Variants in FCF1 observed in about 807,000 individuals in gnomAD.
FCF1 encodes FCF1 rRNA-processing protein.
FCF1 carries 17 observed loss-of-function variants against 32.5 expected under a neutral mutation model. That is an observed-to-expected ratio of 0.52 (90% CI 0.36 to 0.78). The LOEUF is 0.78. Ranked by LOEUF, FCF1 falls within the 30% of genes least tolerant of loss-of-function variation. The pLI is 0.00. For synonymous variants in FCF1, 84 were observed against 78.4 expected (o/e 1.07, Z -0.38); for missense variants, 201 against 241.1 (o/e 0.83, Z 1.10).
chr14:74,717,700 C>G lies in FCF1; in HGVS notation c.292+1601C>G, dbSNP rs1465804802. Among the ~76,000 whole-genome samples the G allele has an allele frequency of 3.9e-5, 6 of 152,184 alleles. 1 individual carries two copies. The highest frequency in any genetic ancestry group is 4.8e-5 in the African/African-American group (2 of 41,460). ...TCCCATGGTATTTCTAATTGAGCTGCTTCTCCAGGAATGCTGTGACCTACT... is the reference window on the plus strand; with the variant it reads ...TCCCATGGTATTTCTAATTGAGCTGGTTCTCCAGGAATGCTGTGACCTACT... On this transcript the variant is annotated intron_variant, in intron 4 of 7. Transcript: ENST00000341162.
At chr14:74,728,619 C>A (rs2090600237) in intron 5 of FCF1, among the ~76,000 whole-genome samples, 1 of 151,866 alleles carries the variant, frequency 6.6e-6, no homozygotes, top group African/African-American at 2.4e-5. Flanking sequence ...ATTGCCCTGG[C>A]CAGAACTTCC....
At chr14:74,720,879 GTTT>G (rs35099474) in intron 4 of FCF1, among the ~76,000 whole-genome samples, 6 of 126,776 alleles carry the variant, frequency 4.7e-5, no homozygotes, top group Admixed American at 8.1e-5. Context: ...TTTGGGGTTT[GTTT>G]TTTTTTTTTT....
At chr14:74,721,526 C>T (rs1177262763) in intron 4 of FCF1, among the ~76,000 whole-genome samples, 1 of 152,082 alleles carries the variant, frequency 6.6e-6, no homozygotes, top group Non-Finnish European at 1.5e-5. Flanking sequence ...CATGGTGAAA[C>T]CTTGTCTTTA....
chr14:74,715,293 A>G (rs1003468382), intron 3 of FCF1, among the ~76,000 whole-genome samples: 3 of 152,174 alleles, frequency 2.0e-5, no homozygotes, highest in Non-Finnish European at 2.9e-5. Flanking sequence ...GAATAAAGAT[A>G]TTTATATAAA....
In FCF1 at chr14:74,725,547, G is replaced by A. The variant is rs112467808; in HGVS notation, c.365+2203G>A. 2.1e-3 allele frequency among the ~76,000 whole-genome samples: 317 copies of A among 149,032 alleles called. 1 individual carries two copies. The highest frequency in any genetic ancestry group is 6.9e-3 in the African/African-American group (278 of 40,332). On this transcript the variant is annotated intron_variant, in intron 5 of 7. Coordinates refer to ENST00000341162, the MANE Select transcript of FCF1 (RefSeq NM_015962.5). Reference sequence around the variant, plus strand: ...GCTCACGTATAATTCCCAACACTTCGTGAGGCCAAGTGGGGAGGATCGCTG... The same window carrying A: ...GCTCACGTATAATTCCCAACACTTCATGAGGCCAAGTGGGGAGGATCGCTG...
In FCF1 at chr14:74,732,817, A is replaced by T. The variant is rs2090656338; in HGVS notation, c.452A>T (p.Gln151Leu). ...ADDCLVQRVT[Q>L]HKCYIVATVD... ...GACTGCTTAGTACAGAGAGTAACTC[A>T]GGTATTATCAGTTCATAACTGTTTA... The change falls in exon 6 of 8, where the codon CAG becomes CTG. Residue 151 changes from glutamine to leucine, a missense_variant and splice_region_variant. Gln to Leu is a moderately radical substitution (Grantham distance 113, BLOSUM62 -2). This residue lies in a region of FCF1 where 121 missense variants were observed against 147.8 expected (regional missense o/e 0.82). Transcript: ENST00000341162. The T allele has an allele frequency of 6.4e-7, 1 of 1,569,882 alleles. No individual in the cohort carries two copies. The highest frequency in any genetic ancestry group is 8.8e-7 in the Non-Finnish European group (1 of 1,142,292).
intron 5 of FCF1, among the ~76,000 whole-genome samples, chr14:74,731,002 A>G (rs184686282): frequency 1.3e-5 from 2 of 152,130 alleles, no homozygotes; most frequent in African/African-American, 4.8e-5. Context: ...CATCTCCAAA[A>G]AAAAAAAAAA....
chr14:74,720,035 G>A (rs528118110), intron 4 of FCF1, among the ~76,000 whole-genome samples: 12 of 152,156 alleles, frequency 7.9e-5, no homozygotes, highest in African/African-American at 2.4e-4. Flanking sequence ...CCAGCTACTC[G>A]GGAGGCTGAT....
At chr14:74,715,817 T>C in intron 3 of FCF1, 134 bp from the exon 4 acceptor site, 1 of 1,591,862 alleles carries the variant, frequency 6.3e-7, no homozygotes. Context: ...GCCTTCCTTT[T>C]TAGGATTTAT....
intron 4 of FCF1, among the ~76,000 whole-genome samples, chr14:74,717,698 T>A (rs915962358): frequency 1.3e-5 from 2 of 152,222 alleles, no homozygotes; most frequent in Non-Finnish European, 2.9e-5. Flanking sequence ...CTAATTGAGC[T>A]GCTTCTCCAG....
intron 5 of FCF1, among the ~76,000 whole-genome samples, chr14:74,730,819 G>A (rs1431957825): frequency 6.6e-6 from 1 of 152,034 alleles, no homozygotes; most frequent in African/African-American, 2.4e-5. Flanking sequence ...GGCTAACATG[G>A]TGAAACCCCG....
chr14:74,734,968 A>G lies in FCF1; in HGVS notation c.*38A>G, dbSNP rs373453156. On this transcript the variant is annotated 3_prime_UTR_variant, in exon 8 of 8. Coordinates refer to ENST00000341162, the MANE Select transcript of FCF1 (RefSeq NM_015962.5). ...ACAGTTCCTCTGCCTTTCTTCGACC[A>G]ACTTTCTCTTGTTGCCAGTTCATTA... The G allele has an allele frequency of 1.8e-5, 28 of 1,564,114 alleles. 1 individual carries two copies. The highest frequency in any genetic ancestry group is 1.2e-4 in the African/African-American group (9 of 73,992).
Position 74,735,023 on chromosome 14 carries a change from C to A in FCF1, c.*93C>A. The A allele has an allele frequency of 9.7e-7, 1 of 1,034,228 alleles. No homozygotes were observed. Among genetic ancestry groups the A allele is most frequent in the Non-Finnish European group, 1.5e-6 (1 of 655,824 alleles). The allele number at this position is 1,034,228 out of a possible 1,614,324, so 64.1% of individuals were successfully genotyped here. On this transcript the variant is annotated 3_prime_UTR_variant, in exon 8 of 8. Transcript: ENST00000341162. ...AAATGTAGCGGGATTTTTAAGGAAT[C>A]AGAGAGACTGATGGAGTTCAGGGAG... is the stretch of plus-strand genomic sequence containing the variant.
chr14:74,721,498 C>T (rs111558059), intron 4 of FCF1, among the ~76,000 whole-genome samples: 1 of 152,082 alleles, frequency 6.6e-6, no homozygotes, highest in East Asian at 1.9e-4. Context: ...GTCAGGAGTT[C>T]GAAACCAGCC....
At chr14:74,719,565 A>G (rs1252892042) in intron 4 of FCF1, among the ~76,000 whole-genome samples, 1 of 152,102 alleles carries the variant, frequency 6.6e-6, no homozygotes, top group Admixed American at 6.5e-5. Context: ...GTTTGAGACC[A>G]GCCTGGCCAA....
intron 4 of FCF1, 80 bp from the exon 5 acceptor site, chr14:74,723,192 T>C: frequency 9.5e-7 from 1 of 1,049,742 alleles, no homozygotes; most frequent in Non-Finnish European, 1.5e-6. Context: ...TGGGTCTTTT[T>C]AAAACTCTGA....
At position 74,738,394 on chromosome 14, in the gene FCF1, A is replaced by G. The variant is rs2090725426; in HGVS notation, c.*3464A>G. On this transcript the variant is annotated 3_prime_UTR_variant, in exon 8 of 8. Coordinates refer to ENST00000341162, the MANE Select transcript of FCF1 (RefSeq NM_015962.5). ...TCACCTTTGGATAGAATTCTTAAGC[A>G]GAATCTAAAAAGATTGAAGAGTTTG... 1 of 152,234 alleles carries G rather than the reference A, an allele frequency of 6.6e-6. No homozygotes were observed. Among genetic ancestry groups the G allele is most frequent in the Non-Finnish European group, 1.5e-5 (1 of 68,048 alleles). The allele number at this position is 152,234 out of a possible 1,614,324, so 9.4% of individuals were successfully genotyped here. A position where few individuals can be genotyped will look rare whatever the true frequency, so the allele number is the denominator to read the frequency against.
intron 5 of FCF1, 53 bp downstream of exon 5, chr14:74,723,397 C>T: frequency 4.7e-6 from 6 of 1,269,512 alleles, no homozygotes; most frequent in Non-Finnish European, 6.7e-6. Flanking sequence ...GAAGATTCAT[C>T]TGTTTGTTGT....
chr14:74,732,849 GC>G, intron 6 of FCF1, 31 bp downstream of exon 6: 1 of 1,314,958 alleles, frequency 7.6e-7, no homozygotes, highest in Non-Finnish European at 1.1e-6. Flanking sequence ...TTTACTTTGT[GC>G]TTAAAAAAAA....
Sources: gnomAD v4.1 joint callset for allele counts (sites outside exome capture counted in the v4.1 genomes callset) on GRCh38, gnomAD v4.1.1 for gene constraint, gnomAD v4.1.1 regional missense constraint, MANE v1.5 for transcripts, NCBI Gene and HGNC (gene_info 2026-07-23, HGNC 2026-07-21) for gene names.